TGFB2: variants seen among roughly 807,000 people sequenced by gnomAD.
TGFB2 encodes transforming growth factor beta-2 proprotein.
TGFB2 carries 13 observed loss-of-function variants against 42.7 expected under a neutral mutation model. The ratio of observed to expected loss-of-function variants is 0.30; its 90% CI spans 0.20 to 0.48. TGFB2 has a LOEUF of 0.48. Ranked by LOEUF, TGFB2 falls within the 20% of genes least tolerant of loss-of-function variation. TGFB2 has a pLI of 0.99. For synonymous variants in TGFB2, 193 were observed against 193.6 expected (o/e 1.00, Z 0.03); for missense variants, 390 against 517.5 (o/e 0.75, Z 2.39).
intron 1 of TGFB2, among the ~76,000 whole-genome samples, chr1:218,352,377 TAAAC>T (rs1433270847): frequency 1.3e-5 from 2 of 152,212 alleles, no homozygotes; most frequent in Non-Finnish European, 2.9e-5. Context: ...CTGCCCGAGA[TAAAC>T]AAATGCCCAT....
In TGFB2 at chr1:218,346,890, C is replaced by A. The variant is rs774030175; in HGVS notation, c.189C>A (p.Val63=). 2 of 1,614,038 alleles carry A rather than the reference C, an allele frequency of 1.2e-6. No homozygotes were observed. The highest frequency in any genetic ancestry group is 4.5e-5 in the East Asian group (2 of 44,874). Residue 63 remains valine (V), a synonymous_variant, in exon 1 of 7, where the codon GTC becomes GTA. Coordinates refer to ENST00000366930, the MANE Select transcript of TGFB2 (RefSeq NM_003238.6). This position sits in a 1 kb window ranked among gnomAD's most constrained non-coding sequence, Gnocchi z 4.9. The part of the protein sequence containing the change: ...PPEDYPEPEE[V]PPEVISIYNS... ...AAGACTATCCTGAGCCCGAGGAAGT[C>A]CCCCCGGAGGTGATTTCCATCTACA...
At chr1:218,428,581 A>G (rs1659701309) in intron 2 of TGFB2, among the ~76,000 whole-genome samples, 1 of 152,152 alleles carries the variant, frequency 6.6e-6, no homozygotes, top group Non-Finnish European at 1.5e-5. Flanking sequence ...AGCACCATTT[A>G]TTAAATAGGG....
rs1656689289 is a variant in TGFB2, at chr1:218,346,666, T to C, written c.-36T>C. 1 of 1,549,264 alleles carries C rather than the reference T, an allele frequency of 6.5e-7. No individual in the cohort carries two copies. Among genetic ancestry groups the C allele is most frequent in the Non-Finnish European group, 8.7e-7 (1 of 1,145,034 alleles). On this transcript the variant is annotated 5_prime_UTR_variant, in exon 1 of 7. Coordinates refer to ENST00000366930, the MANE Select transcript of TGFB2 (RefSeq NM_003238.6). This position sits in a 1 kb window ranked among gnomAD's most constrained non-coding sequence, Gnocchi z 4.9. The stretch of plus-strand genomic sequence containing the variant: ...GTTGATTTCTTTTTTTTATTCTGAC[T>C]TTTAAAAACAACTTTTTTTTCCACT...
chr1:218,353,118 T>C (rs1656919471), intron 1 of TGFB2, among the ~76,000 whole-genome samples: 1 of 152,176 alleles, frequency 6.6e-6, no homozygotes, highest in African/African-American at 2.4e-5. Flanking sequence ...ATGCCATTGA[T>C]TTTAAGAGAG....
intron 1 of TGFB2, among the ~76,000 whole-genome samples, chr1:218,393,033 T>C (rs943817180): frequency 6.6e-6 from 1 of 152,184 alleles, no homozygotes; most frequent in Non-Finnish European, 1.5e-5. Flanking sequence ...AATCTCACAG[T>C]ACAAGACATG....
At chr1:218,420,489 A>G (rs1203973041) in intron 2 of TGFB2, among the ~76,000 whole-genome samples, 2 of 152,146 alleles carry the variant, frequency 1.3e-5, no homozygotes, top group African/African-American at 4.8e-5. Context: ...ACCTGGAGAA[A>G]TGGATTTACT....
Position 218,434,184 on chromosome 1 carries a change from G to C in TGFB2, c.613G>C (p.Asp205His), listed in dbSNP as rs796790344. Residue 205 changes from aspartate to histidine, a missense_variant, in exon 3 of 7, where the codon GAT (aspartate) becomes CAT (histidine). Physicochemically the swap from Asp to His is moderately conservative, Grantham distance 81. Coordinates refer to ENST00000366930, the MANE Select transcript of TGFB2 (RefSeq NM_003238.6). Reference sequence around the variant, plus strand: ...CGAATGGCTCTCCTTCGATGTAACTGATGCTGTTCATGAATGGCTTCACCA... The same window carrying C: ...CGAATGGCTCTCCTTCGATGTAACTCATGCTGTTCATGAATGGCTTCACCA... Reference protein sequence around the residue: ...EGEWLSFDVTDAVHEWLHHKD... With the variant: ...EGEWLSFDVTHAVHEWLHHKD... 1.9e-6 allele frequency: 3 copies of C among 1,614,178 alleles called. No homozygotes were observed. The highest frequency in any genetic ancestry group is 2.2e-5 in the South Asian group (2 of 91,084).
At position 218,346,963 on chromosome 1, in the gene TGFB2, G is replaced by T; in HGVS notation, c.262G>T (p.Ala88Ser). The T allele has an allele frequency of 3.7e-6, 6 of 1,613,892 alleles. No individual in the cohort carries two copies. Among genetic ancestry groups the T allele is most frequent in the Non-Finnish European group, 4.2e-6 (5 of 1,179,888 alleles). Residue 88 changes from alanine to serine, a missense_variant, in exon 1 of 7, where the codon GCC becomes TCC. Transcript: ENST00000366930. The surrounding 1 kb of genome is among the most constrained non-coding windows in gnomAD (Gnocchi z 4.9). Reference protein sequence around the residue: ...LQEKASRRAAACERERSDEEY... With the variant: ...LQEKASRRAASCERERSDEEY... Reference sequence around the variant, plus strand: ...GGAGAAGGCGAGCCGGAGGGCGGCCGCCTGCGAGCGCGAGAGGAGCGACGA... The same window carrying T: ...GGAGAAGGCGAGCCGGAGGGCGGCCTCCTGCGAGCGCGAGAGGAGCGACGA...
chr1:218,414,257 A>G (rs931718275), intron 2 of TGFB2, among the ~76,000 whole-genome samples: 28 of 151,122 alleles, frequency 1.9e-4, no homozygotes, highest in African/African-American at 6.1e-4. Flanking sequence ...ACACACACGC[A>G]CACACGGTTC....
chr1:218,367,522 G>A lies in TGFB2; in HGVS notation c.346+20475G>A, dbSNP rs573851941. ...TTTTTGAACCACCTAATACTTTGAA[G>A]ACAACTGTACAGTATGGATATTCTA... On this transcript the variant is annotated intron_variant, in intron 1 of 6. Transcript: ENST00000366930. Among the ~76,000 whole-genome samples the A allele has an allele frequency of 2.5e-3, 388 of 152,292 alleles. 2 individuals carry two copies. The highest frequency in any genetic ancestry group is 8.9e-3 in the African/African-American group (371 of 41,556).
At chr1:218,404,079 CA>C (rs1658824200) in intron 1 of TGFB2, among the ~76,000 whole-genome samples, 1 of 139,444 alleles carries the variant, frequency 7.2e-6, no homozygotes, top group Admixed American at 7.2e-5. Context: ...AAAGCCAGCA[CA>C]ACTCTAAAGC....
chr1:218,413,096 G>T (rs1659152577), intron 2 of TGFB2, among the ~76,000 whole-genome samples: 2 of 152,222 alleles, frequency 1.3e-5, no homozygotes, highest in African/African-American at 4.8e-5. Context: ...CAGAGGCTGG[G>T]CGCGGTGGCT....
At position 218,439,605 on chromosome 1, in the gene TGFB2, A is replaced by T. The variant is rs868050801; in HGVS notation, c.1087-1599A>T. 3.4e-4 allele frequency among the ~76,000 whole-genome samples: 52 copies of T among 152,214 alleles called. No individual in the cohort carries two copies. The Middle Eastern group carries it at 0.017, about 50-fold the overall frequency. On this transcript the variant is annotated intron_variant, in intron 6 of 6. Coordinates refer to ENST00000366930, the MANE Select transcript of TGFB2 (RefSeq NM_003238.6). ...AGCTGTTTTCCCAACTCCCCTGTAG[A>T]CTTTGGCACTCGGGGGCGACCGTGT... is the stretch of plus-strand genomic sequence containing the variant.
intron 2 of TGFB2, among the ~76,000 whole-genome samples, chr1:218,429,946 G>C (rs1191472965): frequency 1.3e-5 from 2 of 152,148 alleles, no homozygotes; most frequent in Non-Finnish European, 2.9e-5. Flanking sequence ...GGTAAGAGTG[G>C]AAGTGCTTGG....
chr1:218,393,791 G>A (rs1010260621), intron 1 of TGFB2, among the ~76,000 whole-genome samples: 2 of 152,250 alleles, frequency 1.3e-5, no homozygotes, highest in South Asian at 2.1e-4. Flanking sequence ...CACCTGCCCC[G>A]ATGAGGCCAT....
chr1:218,362,105 G>A (rs1657230807), intron 1 of TGFB2, among the ~76,000 whole-genome samples: 1 of 152,146 alleles, frequency 6.6e-6, no homozygotes, highest in Non-Finnish European at 1.5e-5. Flanking sequence ...TCCAGAGTAT[G>A]GAAAAAGTCT....
intron 2 of TGFB2, among the ~76,000 whole-genome samples, chr1:218,408,795 C>G (rs1231623140): frequency 6.6e-6 from 1 of 152,170 alleles, no homozygotes; most frequent in Non-Finnish European, 1.5e-5. Context: ...AGTCCCCAGC[C>G]TTTTTGGCAC....
At chr1:218,364,607 G>A (rs912651012) in intron 1 of TGFB2, among the ~76,000 whole-genome samples, 3 of 152,150 alleles carry the variant, frequency 2.0e-5, no homozygotes, top group African/African-American at 7.2e-5. Flanking sequence ...CCCGGCTAGA[G>A]ACAAAAGAAA....
At chr1:218,428,732 A>C (rs541551066) in intron 2 of TGFB2, among the ~76,000 whole-genome samples, 1 of 152,200 alleles carries the variant, frequency 6.6e-6, no homozygotes, top group East Asian at 1.9e-4. Flanking sequence ...TTTTTTGGTT[A>C]CTGTAGCCTT....
Sources: allele counts gnomAD v4.1 joint callset (sites outside exome capture counted in the v4.1 genomes callset), GRCh38; gene constraint gnomAD v4.1.1; non-coding constraint Gnocchi (gnomAD v3.1); transcripts MANE v1.5; gene names NCBI Gene and HGNC (gene_info 2026-07-23, HGNC 2026-07-21).